Variants in LHFPL2 observed in about 807,000 individuals in gnomAD.
LHFPL2 encodes LHFPL tetraspan subfamily member 2 protein.
A neutral mutation model predicts 17.5 loss-of-function variants in LHFPL2; 7 were observed. The ratio of observed to expected loss-of-function variants is 0.40; its 90% CI spans 0.23 to 0.75. The LOEUF is 0.75. LHFPL2 is among the 30% of genes least tolerant of loss of function. LHFPL2 has a pLI of 0.37. For missense variants in LHFPL2, 241 were observed against 294.8 expected (o/e 0.82, Z 1.34); for synonymous variants, 134 against 116.2 (o/e 1.15, Z -0.99).
At chr5:78,591,438 T>C (rs1407302037) in intron 2 of LHFPL2, among the ~76,000 whole-genome samples, 1 of 152,200 alleles carries the variant, frequency 6.6e-6, no homozygotes, top group Non-Finnish European at 1.5e-5. Context: ...CCTCTGAGAA[T>C]AAACTATCTG....
At chr5:78,609,193 G>C (rs2112483381) in intron 2 of LHFPL2, among the ~76,000 whole-genome samples, 1 of 152,214 alleles carries the variant, frequency 6.6e-6, no homozygotes, top group East Asian at 1.9e-4. Context: ...GCCAGGTACA[G>C]TGGTTCATGC....
At chr5:78,644,263 C>T in intron 1 of LHFPL2, 1 of 785,270 alleles carries the variant, frequency 1.3e-6, no homozygotes, top group Non-Finnish European at 2.2e-6. Flanking sequence ...GTGCTAGAAC[C>T]AACTTATTCA....
chr5:78,640,634 T>TAGAAAATCTGAGAAATTTGAGAAAATCTG (rs1745630986), intron 1 of LHFPL2, among the ~76,000 whole-genome samples: 1 of 152,200 alleles, frequency 6.6e-6, no homozygotes, highest in South Asian at 2.1e-4. Context: ...ATACTACTTG[T>TAGAAAATCTGAGAAATTTGAGAAAATCTG]AGAAAATCTG....
At chr5:78,529,642 C>CAA (rs71001112) in intron 3 of LHFPL2, among the ~76,000 whole-genome samples, 37 of 136,770 alleles carry the variant, frequency 2.7e-4, no homozygotes, top group South Asian at 7.0e-4. Flanking sequence ...GACTCCGTCT[C>CAA]AAAAAAAAAA....
chr5:78,495,710 G>A (rs1754583975), intron 4 of LHFPL2, among the ~76,000 whole-genome samples: 1 of 152,194 alleles, frequency 6.6e-6, no homozygotes, highest in Non-Finnish European at 1.5e-5. Flanking sequence ...CGTCTCTGGA[G>A]AGAGTTCACA....
chr5:78,597,897 G>A (rs1743882460), intron 2 of LHFPL2, among the ~76,000 whole-genome samples: 1 of 152,124 alleles, frequency 6.6e-6, no homozygotes. Context: ...AGACACCTGG[G>A]TCCACACCCC....
At chr5:78,596,728 TCTACC>T (rs1467534780) in intron 2 of LHFPL2, among the ~76,000 whole-genome samples, 1 of 152,148 alleles carries the variant, frequency 6.6e-6, no homozygotes, top group African/African-American at 2.4e-5. Flanking sequence ...AGAAAAGCAA[TCTACC>T]AAGGAAATGC....
intron 2 of LHFPL2, among the ~76,000 whole-genome samples, chr5:78,608,146 A>G (rs565758224): frequency 6.6e-6 from 1 of 152,360 alleles, no homozygotes; most frequent in South Asian, 2.1e-4. Context: ...GAAAACCCTC[A>G]CAGACTGAAA....
At chr5:78,614,406 C>T (rs1453102074) in intron 2 of LHFPL2, among the ~76,000 whole-genome samples, 1 of 152,172 alleles carries the variant, frequency 6.6e-6, no homozygotes, top group Non-Finnish European at 1.5e-5. Flanking sequence ...TACAATGAGC[C>T]TCTGGGTAAA....
At chr5:78,561,857 C>A (rs1433024984) in intron 3 of LHFPL2, among the ~76,000 whole-genome samples, 3 of 152,160 alleles carry the variant, frequency 2.0e-5, no homozygotes, top group African/African-American at 4.8e-5. Flanking sequence ...GGGATTTAAT[C>A]CCAGAGAGTC....
chr5:78,636,084 G>C (rs1745440208), intron 1 of LHFPL2, among the ~76,000 whole-genome samples: 1 of 152,070 alleles, frequency 6.6e-6, no homozygotes, highest in Non-Finnish European at 1.5e-5. Flanking sequence ...CAGGCATCCT[G>C]TGCTCTTCTT....
At chr5:78,567,768 T>C (rs950546447) in intron 2 of LHFPL2, among the ~76,000 whole-genome samples, 2 of 152,136 alleles carry the variant, frequency 1.3e-5, no homozygotes, top group Admixed American at 1.3e-4. Flanking sequence ...GATCACATTT[T>C]ATCCTAACAA....
At chr5:78,552,197 G>A (rs1386334604) in intron 3 of LHFPL2, among the ~76,000 whole-genome samples, 2 of 150,346 alleles carry the variant, frequency 1.3e-5, no homozygotes, top group Admixed American at 6.6e-5. Flanking sequence ...GCAGTGGCGC[G>A]ATCTTGGTTC....
intron 3 of LHFPL2, among the ~76,000 whole-genome samples, chr5:78,535,023 G>T (rs1755903507): frequency 6.6e-6 from 1 of 152,210 alleles, no homozygotes; most frequent in African/African-American, 2.4e-5. Flanking sequence ...AAGTTTGTTG[G>T]AATGTACGGA....
chr5:78,492,150 A>G (rs1754467965), intron 4 of LHFPL2, among the ~76,000 whole-genome samples: 1 of 152,076 alleles, frequency 6.6e-6, no homozygotes, highest in South Asian at 2.1e-4. Flanking sequence ...CCTTCTGTAC[A>G]ATCTCCCCCA....
At chr5:78,519,596 G>A (rs751528113) in intron 3 of LHFPL2, among the ~76,000 whole-genome samples, 3 of 152,190 alleles carry the variant, frequency 2.0e-5, no homozygotes, top group Non-Finnish European at 2.9e-5. Context: ...AATTGGGCCC[G>A]TGTTCCTCAG....
At position 78,581,579 on chromosome 5, in the gene LHFPL2, T is replaced by C. The variant is rs1025899269; in HGVS notation, c.-244-16708A>G. 2.0e-5 allele frequency among the ~76,000 whole-genome samples: 3 copies of C among 152,352 alleles called. No individual in the cohort carries two copies. In the South Asian group the frequency reaches 6.2e-4, roughly 32 times the overall value. On this transcript the variant is annotated intron_variant, in intron 2 of 4. Transcript: ENST00000380345. ...GTTTTTGTCTTTGGTTCTGTTTATATGCTGGATTACATTTATTGATTTGCG... is the reference window on the plus strand; with the variant it reads ...GTTTTTGTCTTTGGTTCTGTTTATACGCTGGATTACATTTATTGATTTGCG...
intron 3 of LHFPL2, among the ~76,000 whole-genome samples, chr5:78,557,841 G>A (rs1440793544): frequency 6.6e-6 from 1 of 152,236 alleles, no homozygotes; most frequent in Non-Finnish European, 1.5e-5. Flanking sequence ...CATGTGCCAA[G>A]TGGCTGGCCT....
rs1382704588 is a variant in LHFPL2, at chr5:78,485,819, G to GCTTAACTTTGACATAA, written c.*3062_*3077dup. Reference sequence around the variant, plus strand: ...AGCATTAACTGGGCCTGGCGTGCGGGCTTAACTTTGACATAACACTAGCGA... The same window carrying GCTTAACTTTGACATAA: ...AGCATTAACTGGGCCTGGCGTGCGGGCTTAACTTTGACATAACTTAACTTTGACATAACACTAGCGA... On this transcript the variant is annotated 3_prime_UTR_variant, in exon 5 of 5. Transcript: ENST00000380345. 6 of 152,614 alleles carry GCTTAACTTTGACATAA rather than the reference G, an allele frequency of 3.9e-5. No individual in the cohort carries two copies. The highest frequency in any genetic ancestry group is 1.4e-4 in the African/African-American group (6 of 41,442). 9.5% of individuals were successfully genotyped at this position (152,614 alleles called of 1,614,324 possible).
Sources: gnomAD v4.1 joint callset for allele counts (sites outside exome capture counted in the v4.1 genomes callset) on GRCh38, gnomAD v4.1.1 for gene constraint, MANE v1.5 for transcripts, NCBI Gene and HGNC (gene_info 2026-07-23, HGNC 2026-07-21) for gene names.